Variants in ROBO1 observed in about 807,000 individuals in gnomAD.
The protein encoded by ROBO1 is roundabout guidance receptor 1.
Under a neutral mutation model 195.9 loss-of-function variants are expected in ROBO1, and 149 were observed. That is an observed-to-expected ratio of 0.76 (90% CI 0.67 to 0.87). The LOEUF is 0.87. Among genes scored for constraint, ROBO1 ranks in the 40% least tolerant of loss-of-function variants. ROBO1 has a pLI of 0.00. For synonymous variants in ROBO1, 816 were observed against 733.2 expected, an observed-to-expected ratio of 1.11 and a Z score of -1.82; for missense variants, 1,933 against 2,068.3, an observed-to-expected ratio of 0.93 and a Z score of 1.27.
At chr3:79,182,602 T>G (rs1359792087) in intron 2 of ROBO1, among the ~76,000 whole-genome samples, 1 of 149,938 alleles carries the variant, frequency 6.7e-6, no homozygotes, top group South Asian at 2.1e-4. Context: ...GGAGTGGGGA[T>G]GGGTAGGAGA....
At position 79,701,269 on chromosome 3, in the gene ROBO1, G is replaced by A. The variant is rs146710933; in HGVS notation, c.-51+66483C>T. Among the ~76,000 whole-genome samples, 812 of 151,650 alleles carry A rather than the reference G, an allele frequency of 5.4e-3. 6 individuals are homozygous for A. The highest frequency in any genetic ancestry group is 0.011 in the Admixed American group (160 of 15,140). On this transcript the variant is annotated intron_variant, in intron 1 of 30. Transcript: ENST00000464233. ...AAATCAAGTGATGCAATGCCTCCAG[G>A]TTTGTTCTTTTTTGTTTAGGATTGC...
intron 1 of ROBO1, 119 bp from the exon 2 acceptor site, chr3:79,590,080 AATT>A (rs1943951513): frequency 9.7e-6 from 5 of 515,594 alleles, no homozygotes; most frequent in African/African-American, 7.8e-5. Flanking sequence ...AATGAAACAA[AATT>A]ATTACATAAC....
intron 3 of ROBO1, among the ~76,000 whole-genome samples, chr3:79,098,839 T>C (rs1194987962): frequency 6.6e-6 from 1 of 151,796 alleles, no homozygotes; most frequent in Non-Finnish European, 1.5e-5. Context: ...ATATTGTCAC[T>C]GTCGAAGATG....
rs189758958 is a variant in ROBO1 at position 79,393,694 on chromosome 3, A to G, written c.88+196130T>C. ...GAGGAGAGCTGAGAAGAAAGGAGTG[A>G]TTGTTATAAAGGGGGCTATGCTTCA... On this transcript the variant is annotated intron_variant, in intron 2 of 30. Transcript: ENST00000464233. Among the ~76,000 whole-genome samples the G allele has an allele frequency of 1.2e-4, 19 of 152,312 alleles. No individual in the cohort carries two copies. The South Asian group carries it at 3.3e-3, about 27-fold the overall frequency.
chr3:78,917,716 C>A (rs559887683), intron 4 of ROBO1, among the ~76,000 whole-genome samples: 3 of 152,254 alleles, frequency 2.0e-5, no homozygotes, highest in East Asian at 3.9e-4. Flanking sequence ...CAGATCATGT[C>A]CCAGTAAGAT....
intron 3 of ROBO1, among the ~76,000 whole-genome samples, chr3:78,986,882 T>G (rs1181138800): frequency 2.0e-5 from 3 of 152,172 alleles, no homozygotes; most frequent in Non-Finnish European, 2.9e-5. Context: ...AGTGGTTTTG[T>G]GATCCCAACT....
At chr3:78,708,312 C>T (rs2081600848) in intron 8 of ROBO1, among the ~76,000 whole-genome samples, 2 of 151,962 alleles carry the variant, frequency 1.3e-5, no homozygotes, top group African/African-American at 4.8e-5. Context: ...TTTAAAAAGC[C>T]ACCAAGATGA....
intron 4 of ROBO1, among the ~76,000 whole-genome samples, chr3:78,910,071 A>G (rs2038155774): frequency 6.6e-6 from 1 of 151,894 alleles, no homozygotes; most frequent in African/African-American, 2.4e-5. Flanking sequence ...GTATTAAAAT[A>G]TTCCTGAATC....
chr3:79,257,165 GTTTA>G (rs1462396036), intron 2 of ROBO1, among the ~76,000 whole-genome samples: 4 of 152,112 alleles, frequency 2.6e-5, no homozygotes, highest in South Asian at 2.1e-4. Context: ...ATTAAATTGT[GTTTA>G]TTTAAGCATA....
At chr3:78,800,229 T>G (rs1286097545) in intron 4 of ROBO1, among the ~76,000 whole-genome samples, 3 of 152,146 alleles carry the variant, frequency 2.0e-5, no homozygotes, top group Non-Finnish European at 4.4e-5. Flanking sequence ...AAAAGTAGAT[T>G]TAGAAAGCAG....
chr3:79,571,457 AG>A (rs1170553617), intron 2 of ROBO1, among the ~76,000 whole-genome samples: 1 of 152,048 alleles, frequency 6.6e-6, no homozygotes, highest in Non-Finnish European at 1.5e-5. Flanking sequence ...TTAAACTCAA[AG>A]GGGGGAAAAA....
chr3:78,938,767 G>C lies in ROBO1; in HGVS notation c.333C>G (p.Asp111Glu), dbSNP rs374842638. The change falls in exon 4 of 31, where the codon GAC becomes GAG. Residue 111 changes from aspartate to glutamate, a missense_variant. Transcript: ENST00000464233. ...WYKGGERVET[D>E]KDDPRSHRML... ...TTCGGTGTGAGCGAGGGTCATCTTT[G>C]TCTGTCTCCACTCTCTCTCCCCCTT... The C allele has an allele frequency of 6.2e-7, 1 of 1,613,952 alleles. No individual in the cohort carries two copies. Among genetic ancestry groups the C allele is most frequent in the Non-Finnish European group, 8.5e-7 (1 of 1,179,892 alleles).
chr3:79,396,496 A>G (rs1457512169), intron 2 of ROBO1, among the ~76,000 whole-genome samples: 1 of 152,108 alleles, frequency 6.6e-6, no homozygotes, highest in Non-Finnish European at 1.5e-5. Context: ...CTTCGTCTCC[A>G]TTTGTAAAAT....
At chr3:79,054,388 A>G (rs2078763178) in intron 3 of ROBO1, among the ~76,000 whole-genome samples, 2 of 152,124 alleles carry the variant, frequency 1.3e-5, no homozygotes, top group Admixed American at 6.6e-5. Flanking sequence ...GAGAGTGCTC[A>G]AGGTATTCTC....
chr3:79,514,490 C>T (rs539621001), intron 2 of ROBO1, among the ~76,000 whole-genome samples: 224 of 151,894 alleles, frequency 1.5e-3, no homozygotes, highest in African/African-American at 5.1e-3. Flanking sequence ...AACTTAAAAC[C>T]TTTGGGCTGG....
At chr3:79,241,261 A>C (rs2082511754) in intron 2 of ROBO1, among the ~76,000 whole-genome samples, 1 of 152,174 alleles carries the variant, frequency 6.6e-6, no homozygotes, top group African/African-American at 2.4e-5. Context: ...GAATGTTTTA[A>C]TTACTAGAAA....
chr3:79,347,367 T>G (rs1038909614), intron 2 of ROBO1, among the ~76,000 whole-genome samples: 6 of 152,190 alleles, frequency 3.9e-5, no homozygotes, highest in African/African-American at 1.4e-4. Flanking sequence ...TTCTGTAATA[T>G]CTTAGCATGT....
intron 1 of ROBO1, among the ~76,000 whole-genome samples, chr3:79,609,890 A>G (rs1944601998): frequency 6.6e-6 from 1 of 151,946 alleles, no homozygotes; most frequent in South Asian, 2.1e-4. Context: ...TATGATTTCC[A>G]TTTTGCAAGA....
chr3:79,470,763 T>C (rs1005127644), intron 2 of ROBO1, among the ~76,000 whole-genome samples: 8 of 152,072 alleles, frequency 5.3e-5, no homozygotes, highest in Non-Finnish European at 7.4e-5. Context: ...CCATGAAAGA[T>C]GTGACTTTGC....
Sources: gnomAD v4.1 joint callset for allele counts (sites outside exome capture counted in the v4.1 genomes callset) on GRCh38, gnomAD v4.1.1 for gene constraint, MANE v1.5 for transcripts, NCBI Gene and HGNC (gene_info 2026-07-23, HGNC 2026-07-21) for gene names.